Variants in ANKRD30B observed in about 807,000 individuals in gnomAD.
ANKRD30B encodes the protein ankyrin repeat domain 30B.
A neutral mutation model predicts 202.2 loss-of-function variants in ANKRD30B; 144 were observed. The ratio of observed to expected loss-of-function variants is 0.71; its 90% confidence interval spans 0.62 to 0.82. ANKRD30B has a LOEUF of 0.82. Among genes scored for constraint, ANKRD30B ranks in the 40% least tolerant of loss-of-function variants. The pLI, the probability that ANKRD30B is intolerant of heterozygous loss-of-function variation, is 0.00. For synonymous variants in ANKRD30B, 508 were observed against 561.3 expected, an observed-to-expected ratio of 0.91 and a Z score of 1.34; for missense variants, 1,487 against 1,669.1, an observed-to-expected ratio of 0.89 and a Z score of 1.90.
chr18:14,836,242 C>G (rs1303011652), intron 34 of ANKRD30B, among the ~76,000 whole-genome samples: 1 of 152,138 alleles, frequency 6.6e-6, no homozygotes, highest in Non-Finnish European at 1.5e-5. Flanking sequence ...TCTTATAGGT[C>G]TCAAACTGAA....
At chr18:14,893,815 G>A in the ANKRD30B span, among the ~76,000 whole-genome samples, 5 of 150,490 alleles carry the variant, frequency 3.3e-5, no homozygotes, top group African/African-American at 1.2e-4. Context: ...CTTTCTTTGT[G>A]GATTTCCATT....
chr18:14,910,480 T>TAA, the ANKRD30B span, among the ~76,000 whole-genome samples: 6 of 147,602 alleles, frequency 4.1e-5, no homozygotes, highest in East Asian at 2.0e-4. Context: ...ATACACAATG[T>TAA]AAAAATATAT....
At chr18:14,838,008 T>C (rs1175392849) in intron 36 of ANKRD30B, among the ~76,000 whole-genome samples, 1 of 152,054 alleles carries the variant, frequency 6.6e-6, no homozygotes, top group African/African-American at 2.4e-5. Context: ...AGAGCGAGAC[T>C]CCATCTCAAA....
the ANKRD30B span, among the ~76,000 whole-genome samples, chr18:14,909,321 G>A: frequency 6.6e-6 from 1 of 152,130 alleles, no homozygotes; most frequent in South Asian, 2.1e-4. Flanking sequence ...GACAATGAGG[G>A]TGATGTTTGT....
At chr18:14,777,871 A>G in intron 9 of ANKRD30B, 114 bp from the exon 10 acceptor site, 1 of 688,926 alleles carries the variant, frequency 1.5e-6, no homozygotes, top group East Asian at 3.0e-5. Flanking sequence ...TGAACCTGGG[A>G]GACAGAGGTG....
chr18:14,797,368 T>G (rs1968978861), intron 18 of ANKRD30B, among the ~76,000 whole-genome samples: 1 of 152,214 alleles, frequency 6.6e-6, no homozygotes, highest in South Asian at 2.1e-4. Context: ...CATCACGTGC[T>G]GTTGGCTCAT....
intron 34 of ANKRD30B, among the ~76,000 whole-genome samples, chr18:14,834,655 T>C (rs1598699683): frequency 6.6e-6 from 1 of 152,082 alleles, no homozygotes; most frequent in African/African-American, 2.4e-5. Context: ...TGTTGTACTC[T>C]TTAAAATACC....
the ANKRD30B span, among the ~76,000 whole-genome samples, chr18:14,891,962 G>T: frequency 1.3e-5 from 2 of 152,200 alleles, no homozygotes; most frequent in African/African-American, 4.8e-5. Flanking sequence ...AAATGTATCA[G>T]TTAGGTTGGT....
intron 4 of ANKRD30B, 140 bp from the exon 5 acceptor site, chr18:14,757,675 T>C: frequency 1.1e-6 from 1 of 895,176 alleles, no homozygotes; most frequent in Middle Eastern, 3.7e-4. Flanking sequence ...CCTTTTAGAT[T>C]TGGTGGTGAT....
Position 14,777,882 on chromosome 18 carries a change from G to T in ANKRD30B, c.1330-103G>T, listed in dbSNP as rs996938050. On this transcript the variant is annotated intron_variant, in intron 9 of 43. Coordinates refer to ENST00000690538, the MANE Select transcript of ANKRD30B (RefSeq NM_001367607.2). ...CGCTTGAACCTGGGAGACAGAGGTGGCAGTAGGCCGAGATCACACCACTGA... is the reference window on the plus strand; with the variant it reads ...CGCTTGAACCTGGGAGACAGAGGTGTCAGTAGGCCGAGATCACACCACTGA... The T allele has an allele frequency of 1.1e-5, 8 of 726,984 alleles. No individual in the cohort carries two copies. In the African/African-American group the frequency reaches 1.5e-4, roughly 13 times the overall value. The allele number at this position is 726,984 out of a possible 1,614,324, so 45.0% of individuals were successfully genotyped here. A position where few individuals can be genotyped will look rare whatever the true frequency, so the allele number is the denominator to read the frequency against.
chr18:14,795,088 A>T (rs548572722), intron 16 of ANKRD30B, among the ~76,000 whole-genome samples: 15 of 152,376 alleles, frequency 9.8e-5, no homozygotes, highest in Admixed American at 3.3e-4. Flanking sequence ...TCCTTGAACA[A>T]TAAAACTGTT....
intron 8 of ANKRD30B, among the ~76,000 whole-genome samples, chr18:14,769,605 A>C (rs1389058342): frequency 6.6e-6 from 1 of 152,234 alleles, no homozygotes; most frequent in Admixed American, 6.5e-5. Context: ...CCTATGATTC[A>C]TAGCTAAAAA....
intron 11 of ANKRD30B, among the ~76,000 whole-genome samples, chr18:14,781,274 A>G (rs1396799410): frequency 6.7e-6 from 1 of 148,520 alleles, no homozygotes; most frequent in African/African-American, 2.5e-5. Context: ...CGCTTCTACA[A>G]TGTTCTGAGT....
At chr18:14,842,771 C>A in intron 37 of ANKRD30B, 126 bp from the exon 38 acceptor site, 3 of 865,178 alleles carry the variant, frequency 3.5e-6, no homozygotes, top group Non-Finnish European at 5.3e-6. Context: ...GAAAGAAAAC[C>A]CCCTAAACCT....
At chr18:14,805,616 C>G (rs1441257892) in intron 24 of ANKRD30B, among the ~76,000 whole-genome samples, 1 of 150,544 alleles carries the variant, frequency 6.6e-6, no homozygotes, top group Admixed American at 6.6e-5. Flanking sequence ...AACTCTCATC[C>G]GAACTGTGTA....
intron 9 of ANKRD30B, among the ~76,000 whole-genome samples, chr18:14,777,189 T>C (rs1967411963): frequency 6.6e-6 from 1 of 152,176 alleles, no homozygotes; most frequent in Admixed American, 6.5e-5. Context: ...AGATAAAAGG[T>C]AAGTGTGATC....
At position 14,784,508 on chromosome 18, in the gene ANKRD30B, T is replaced by C. The variant is rs750035321; in HGVS notation, c.1645T>C (p.Leu549=). The C allele has an allele frequency of 1.9e-6, 3 of 1,612,988 alleles. No individual in the cohort carries two copies. The highest frequency in any genetic ancestry group is 2.7e-5 in the African/African-American group (2 of 74,892). ...GACTGTTCCAAATAAAGCCTTTGAA[T>C]TGAAGAATGAACAAACATTGAGAGC... The part of the protein sequence containing the change: ...QKTVPNKAFE[L]KNEQTLRAAQ... Residue 549 remains leucine (L), a synonymous_variant, in exon 14 of 44, where the codon TTG becomes CTG. Coordinates refer to ENST00000690538, the MANE Select transcript of ANKRD30B (RefSeq NM_001367607.2).
At chr18:14,790,282 A>C (rs1027695509) in intron 15 of ANKRD30B, among the ~76,000 whole-genome samples, 2 of 152,088 alleles carry the variant, frequency 1.3e-5, no homozygotes, top group African/African-American at 2.4e-5. Context: ...GCTTAAGGAG[A>C]TTTTGGGCTG....
chr18:14,772,483 A>G (rs1967067853), intron 9 of ANKRD30B, among the ~76,000 whole-genome samples: 1 of 152,116 alleles, frequency 6.6e-6, no homozygotes, highest in Non-Finnish European at 1.5e-5. Context: ...ACATAGTGAC[A>G]GGAACATTAT....
Sources: allele counts gnomAD v4.1 joint callset (sites outside exome capture counted in the v4.1 genomes callset), GRCh38; gene constraint gnomAD v4.1.1; transcripts MANE v1.5; gene names NCBI Gene and HGNC (gene_info 2026-07-23, HGNC 2026-07-21).